ELOVL6: variants seen among roughly 807,000 people sequenced by gnomAD.
The protein encoded by ELOVL6 is ELOVL fatty acid elongase 6.
Under a neutral mutation model 31.7 loss-of-function variants are expected in ELOVL6, and 8 were observed. That is an observed-to-expected ratio of 0.25 (90% CI 0.15 to 0.45). The LOEUF is 0.45. Ranked by LOEUF, ELOVL6 falls within the 20% of genes least tolerant of loss-of-function variation. The pLI is 1.00. For synonymous variants in ELOVL6, 101 were observed against 117.7 expected (o/e 0.86, Z 0.92); for missense variants, 126 against 326.4 (o/e 0.39, Z 4.73).
chr4:110,087,601 C>A (rs1220204322), intron 2 of ELOVL6, among the ~76,000 whole-genome samples: 1 of 152,084 alleles, frequency 6.6e-6, no homozygotes, highest in Non-Finnish European at 1.5e-5. Flanking sequence ...TCTCTGACAC[C>A]ACTCCTCATT....
chr4:110,105,467 CG>C (rs1322502854), intron 2 of ELOVL6, 29 bp downstream of exon 2: 8 of 1,577,984 alleles, frequency 5.1e-6, no homozygotes, highest in Admixed American at 1.9e-5. Flanking sequence ...AAAATGGATA[CG>C]TTTTATTAGA....
In ELOVL6 at chr4:110,051,752, T is replaced by A. The variant is rs140245379; in HGVS notation, c.384A>T (p.Ile128=). The part of the protein sequence containing the change: ...LSKAPELGDT[I]FIILRKQKLI... ...GCTTCTGCTTCCTCAGAATAATGAA[T>A]ATTGTATCTCCTGGAAGACAAAGAG... Residue 128 remains isoleucine, a synonymous_variant, in exon 4 of 4, where the codon ATA becomes ATT. Coordinates refer to ENST00000302274, the MANE Select transcript of ELOVL6 (RefSeq NM_024090.3). The surrounding 1 kb of genome is among the most constrained non-coding windows in gnomAD (Gnocchi z 4.8). 4.3e-6 allele frequency: 7 copies of A among 1,612,270 alleles called. No individual in the cohort carries two copies. The Admixed American group carries it at 1.0e-4, about 23-fold the overall frequency.
intron 1 of ELOVL6, among the ~76,000 whole-genome samples, chr4:110,169,242 TG>T (rs375372941): frequency 4.1e-5 from 6 of 147,216 alleles, no homozygotes; most frequent in Non-Finnish European, 7.5e-5. Flanking sequence ...TTTTTTGTTT[TG>T]TTTTTTTTTT....
At chr4:110,176,029 T>C (rs1203484875) in intron 1 of ELOVL6, among the ~76,000 whole-genome samples, 1 of 127,560 alleles carries the variant, frequency 7.8e-6, no homozygotes. Flanking sequence ...ATTGGCATAG[T>C]GGTGAGTTAA....
chr4:110,149,637 T>C (rs1257220997), intron 1 of ELOVL6, among the ~76,000 whole-genome samples: 1 of 152,216 alleles, frequency 6.6e-6, no homozygotes, highest in Non-Finnish European at 1.5e-5. Flanking sequence ...TGATAGATGA[T>C]GGCAGGTTGC....
Position 110,105,717 on chromosome 4 carries a change from A to C in ELOVL6, c.90-89T>G, listed in dbSNP as rs1756868163. ...CCAGTTCTCCTCTTTGTAAGCACTG[A>C]AAAAATATTCTTGAGAATATTCCTG... is the stretch of plus-strand genomic sequence containing the variant. On this transcript the variant is annotated intron_variant, in intron 1 of 3. Coordinates refer to ENST00000302274, the MANE Select transcript of ELOVL6 (RefSeq NM_024090.3). 4.9e-6 allele frequency: 6 copies of C among 1,231,022 alleles called. No individual in the cohort carries two copies. The East Asian group carries it at 1.5e-4, about 31-fold the overall frequency. The allele number at this position is 1,231,022 out of a possible 1,614,324, so 76.3% of individuals were successfully genotyped here.
In ELOVL6 at chr4:110,152,770, G is replaced by A. The variant is rs919527478; in HGVS notation, c.89+45477C>T. 6.6e-5 allele frequency among the ~76,000 whole-genome samples: 10 copies of A among 152,336 alleles called. No individual in the cohort carries two copies. The East Asian group carries it at 1.2e-3, about 18-fold the overall frequency. On this transcript the variant is annotated intron_variant, in intron 1 of 3. Coordinates refer to ENST00000302274, the MANE Select transcript of ELOVL6 (RefSeq NM_024090.3). ...CCAGGTTGCTATATATAGTGTATGTGAGTGTGTGCGTACACATGCACTTAT... is the reference window on the plus strand; with the variant it reads ...CCAGGTTGCTATATATAGTGTATGTAAGTGTGTGCGTACACATGCACTTAT...
At chr4:110,143,778 G>A (rs1238747602) in intron 1 of ELOVL6, among the ~76,000 whole-genome samples, 5 of 152,266 alleles carry the variant, frequency 3.3e-5, no homozygotes, top group South Asian at 2.1e-4. Context: ...GGGGCAGGCC[G>A]GGCGCAGTGG....
At position 110,193,364 on chromosome 4, in the gene ELOVL6, G is replaced by C. The variant is rs78091251; in HGVS notation, c.89+4883C>G. The stretch of plus-strand genomic sequence containing the variant: ...TCAAGCCTGTTATCTCAGCACTTTC[G>C]GAGGCCGAGGTGGGCGGATTACTTG... On this transcript the variant is annotated intron_variant, in intron 1 of 3. Coordinates refer to ENST00000302274, the MANE Select transcript of ELOVL6 (RefSeq NM_024090.3). 1.3e-3 allele frequency among the ~76,000 whole-genome samples: 205 copies of C among 152,186 alleles called. 1 individual carries two copies. Among genetic ancestry groups the C allele is most frequent in the African/African-American group, 4.9e-3 (202 of 41,524 alleles).
At chr4:110,068,103 T>C (rs966031477) in intron 2 of ELOVL6, among the ~76,000 whole-genome samples, 3 of 151,994 alleles carry the variant, frequency 2.0e-5, no homozygotes, top group African/African-American at 7.3e-5. Context: ...CTAAAATACA[T>C]AAGAAAGAAA....
At chr4:110,149,925 C>T (rs575858385) in intron 1 of ELOVL6, among the ~76,000 whole-genome samples, 3 of 152,190 alleles carry the variant, frequency 2.0e-5, no homozygotes, top group South Asian at 4.1e-4. Flanking sequence ...AAATAAATGC[C>T]TTCTTAAATC....
At chr4:110,192,350 G>T (rs956387790) in intron 1 of ELOVL6, among the ~76,000 whole-genome samples, 1 of 152,104 alleles carries the variant, frequency 6.6e-6, no homozygotes, top group African/African-American at 2.4e-5. Context: ...AAGATTTCAG[G>T]AAGAAATTTA....
At chr4:110,180,441 T>C (rs2126277487) in intron 1 of ELOVL6, among the ~76,000 whole-genome samples, 1 of 152,220 alleles carries the variant, frequency 6.6e-6, no homozygotes, top group African/African-American at 2.4e-5. Context: ...TGGAGTGGAG[T>C]AGTACAATCA....
chr4:110,081,190 G>T (rs978494845), intron 2 of ELOVL6, among the ~76,000 whole-genome samples: 4 of 152,054 alleles, frequency 2.6e-5, no homozygotes, highest in African/African-American at 9.7e-5. Context: ...TAAATTCAAT[G>T]CCATCCCCAT....
intron 2 of ELOVL6, among the ~76,000 whole-genome samples, chr4:110,067,695 C>T (rs781370113): frequency 2.6e-5 from 4 of 152,062 alleles, no homozygotes; most frequent in Non-Finnish European, 5.9e-5. Context: ...TCAAGATGCA[C>T]GATTAAGTGA....
intron 1 of ELOVL6, among the ~76,000 whole-genome samples, chr4:110,161,467 C>T (rs1758629523): frequency 6.6e-6 from 1 of 152,136 alleles, no homozygotes; most frequent in South Asian, 2.1e-4. Flanking sequence ...TTGGAGTTGC[C>T]TGACCTGCAC....
intron 1 of ELOVL6, among the ~76,000 whole-genome samples, chr4:110,133,345 T>C (rs1398205633): frequency 6.6e-6 from 1 of 152,186 alleles, no homozygotes; most frequent in Non-Finnish European, 1.5e-5. Context: ...GCATGCCAGG[T>C]GTTAGGCAAA....
chr4:110,193,581 GC>G (rs1197397739), intron 1 of ELOVL6, among the ~76,000 whole-genome samples: 1 of 152,084 alleles, frequency 6.6e-6, no homozygotes, highest in African/African-American at 2.4e-5. Flanking sequence ...TCCAGCCTGG[GC>G]AACAGAGTGA....
chr4:110,101,020 T>C (rs1756725656), intron 2 of ELOVL6, among the ~76,000 whole-genome samples: 1 of 152,224 alleles, frequency 6.6e-6, no homozygotes, highest in African/African-American at 2.4e-5. Context: ...TTAAAACAAC[T>C]GTTTGTGAAA....
Sources: gnomAD v4.1 joint callset for allele counts (sites outside exome capture counted in the v4.1 genomes callset) on GRCh38, gnomAD v4.1.1 for gene constraint, Gnocchi (gnomAD v3.1) non-coding constraint, MANE v1.5 for transcripts, NCBI Gene and HGNC (gene_info 2026-07-23, HGNC 2026-07-21) for gene names.